The following C2orf72 variants were observed in gnomAD, a reference collection of about 807,000 sequenced individuals.
C2orf72 encodes chromosome 2 open reading frame 72, also known as uncharacterized protein C2orf72.
A neutral mutation model predicts 14.4 loss-of-function variants in C2orf72; 16 were observed. That is an observed-to-expected ratio of 1.11 (90% CI 0.75 to 1.69). The LOEUF is 1.69. C2orf72 is among the 40% of genes most tolerant of loss of function. The pLI is 0.00. For synonymous variants in C2orf72, 168 were observed against 176.8 expected, an observed-to-expected ratio of 0.95 and a Z score of 0.40; for missense variants, 371 against 358.3, an observed-to-expected ratio of 1.04 and a Z score of -0.29.
In C2orf72 at chr2:231,048,129, G is replaced by A. The variant is rs74840763; in HGVS notation, c.*1108G>A. On this transcript the variant is annotated 3_prime_UTR_variant, in exon 3 of 3. Transcript: ENST00000373640. ...CTGTGTCCGTGAGTCTGACAGAATC[G>A]ATGATGTTCCCTTAGAGCTGGGAAA... The A allele has an allele frequency of 0.038, 5,726 of 152,268 alleles. 139 individuals are homozygous for A. Among genetic ancestry groups the A allele is most frequent in the East Asian group, 0.14 (736 of 5,166 alleles). The allele number at this position is 152,268 out of a possible 1,614,324, so 9.4% of individuals were successfully genotyped here. A position where few individuals can be genotyped will look rare whatever the true frequency, so the allele number is the denominator to read the frequency against.
At position 231,037,665 on chromosome 2, in the gene C2orf72, C is replaced by G. The variant is rs2125134984; in HGVS notation, c.100C>G (p.Leu34Val). 1 of 1,112,728 alleles carries G rather than the reference C, an allele frequency of 9.0e-7. No homozygotes were observed. Among genetic ancestry groups the G allele is most frequent in the Non-Finnish European group, 1.1e-6 (1 of 908,670 alleles). 68.9% of individuals were successfully genotyped at this position (1,112,728 alleles called of 1,614,324 possible). A position where few individuals can be genotyped will look rare whatever the true frequency, so the allele number is the denominator to read the frequency against. ...AGCGGCGGGGGGCCGCGGGCAGGTGCTGCTGGTGGGCGAGCTGTGGGAGCG... is the reference window on the plus strand; with the variant it reads ...AGCGGCGGGGGGCCGCGGGCAGGTGGTGCTGGTGGGCGAGCTGTGGGAGCG... The part of the protein sequence containing the change: ...VEAAGGRGQV[L>V]LVGELWEREQ... Residue 34 changes from leucine (L) to valine (V), a missense_variant, in exon 1 of 3, where the codon CTG becomes GTG. Physicochemically the swap from Leu to Val is conservative, Grantham distance 32. Transcript: ENST00000373640.
At position 231,047,913 on chromosome 2, in the gene C2orf72, C is replaced by G. The variant is rs1213091764; in HGVS notation, c.*892C>G. 1 of 152,324 alleles carries G rather than the reference C, an allele frequency of 6.6e-6. No individual in the cohort carries two copies. The highest frequency in any genetic ancestry group is 2.4e-5 in the African/African-American group (1 of 41,458). 9.4% of individuals were successfully genotyped at this position (152,324 alleles called of 1,614,324 possible). A position where few individuals can be genotyped will look rare whatever the true frequency, so the allele number is the denominator to read the frequency against. On this transcript the variant is annotated 3_prime_UTR_variant, in exon 3 of 3. Transcript: ENST00000373640. ...GCCTCTTTCTTTCTCATGTTGACAT[C>G]GACTTTCTGTGCCAAGTCCTTTGGG... is the stretch of plus-strand genomic sequence containing the variant.
Position 231,047,248 on chromosome 2 carries a change from C to T in C2orf72, c.*227C>T. 1.5e-6 allele frequency: 1 copy of T among 649,740 alleles called. No individual in the cohort carries two copies. The highest frequency in any genetic ancestry group is 1.6e-5 in the South Asian group (1 of 64,402). 40.2% of individuals were successfully genotyped at this position (649,740 alleles called of 1,614,324 possible). On this transcript the variant is annotated 3_prime_UTR_variant, in exon 3 of 3. Transcript: ENST00000373640. ...ACCCAGCATTTGCTAAGTCTGATCA[C>T]AGGGAGGTTATTTTGTCTCTCTGTC...
At chr2:231,046,556 G>A (rs1693418247) in intron 2 of C2orf72, among the ~76,000 whole-genome samples, 1 of 152,090 alleles carries the variant, frequency 6.6e-6, no homozygotes, top group South Asian at 2.1e-4. Flanking sequence ...AGAGTTGGTT[G>A]ATTCAGGGGC....
chr2:231,046,291 A>AGTGT (rs34513584), intron 2 of C2orf72, among the ~76,000 whole-genome samples: 4,059 of 136,218 alleles, frequency 0.03, 59 homozygotes, highest in Non-Finnish European at 0.036. Context: ...ACTTCTATGC[A>AGTGT]GTGTGTGTGT....
rs1005277241 is a variant in C2orf72 at position 231,049,036 on chromosome 2, T to A, written c.*2015T>A. The A allele has an allele frequency of 6.6e-6, 1 of 152,158 alleles. No homozygotes were observed. The highest frequency in any genetic ancestry group is 1.5e-5 in the Non-Finnish European group (1 of 68,024). The allele number at this position is 152,158 out of a possible 1,614,324, so 9.4% of individuals were successfully genotyped here. A position where few individuals can be genotyped will look rare whatever the true frequency, so the allele number is the denominator to read the frequency against. ...TGCCAATATTTGAAACTTGGGAGATTACGTATAAAAAATACCTAGTTTTCT... is the reference window on the plus strand; with the variant it reads ...TGCCAATATTTGAAACTTGGGAGATAACGTATAAAAAATACCTAGTTTTCT... On this transcript the variant is annotated 3_prime_UTR_variant, in exon 3 of 3. Coordinates refer to ENST00000373640, the MANE Select transcript of C2orf72 (RefSeq NM_001144994.2).
intron 2 of C2orf72, among the ~76,000 whole-genome samples, chr2:231,042,419 A>G (rs1693356097): frequency 6.6e-6 from 1 of 152,234 alleles, no homozygotes; most frequent in Admixed American, 6.5e-5. Flanking sequence ...AAGACATTTA[A>G]CAATATATAA....
Position 231,037,988 on chromosome 2 carries a change from G to A in C2orf72, c.423G>A (p.Ala141=). Residue 141 remains alanine (A), a synonymous_variant, in exon 1 of 3, where the codon GCG becomes GCA. Transcript: ENST00000373640. ...DVRGRRRAGA[A]LVGVLVAEAG... ...GCGGCCGGCGGCGGGCCGGGGCGGC[G>A]CTGGTCGGGGTGCTGGTGGCCGAGG... 9.7e-7 allele frequency: 1 copy of A among 1,034,988 alleles called. No individual in the cohort carries two copies. Among genetic ancestry groups the A allele is most frequent in the Non-Finnish European group, 1.2e-6 (1 of 866,834 alleles). The allele number at this position is 1,034,988 out of a possible 1,614,324, so 64.1% of individuals were successfully genotyped here. A position where few individuals can be genotyped will look rare whatever the true frequency, so the allele number is the denominator to read the frequency against.
At chr2:231,044,115 A>G (rs1023510443) in intron 2 of C2orf72, among the ~76,000 whole-genome samples, 6 of 152,150 alleles carry the variant, frequency 3.9e-5, no homozygotes. Flanking sequence ...AGATCAAAAA[A>G]TGGTACATCT....
At chr2:231,042,897 G>C (rs1167139886) in intron 2 of C2orf72, among the ~76,000 whole-genome samples, 1 of 152,236 alleles carries the variant, frequency 6.6e-6, no homozygotes, top group Non-Finnish European at 1.5e-5. Context: ...CCAGCTACTT[G>C]GGAGGCTGAG....
At position 231,037,874 on chromosome 2, in the gene C2orf72, C is replaced by T. The variant is rs868085109; in HGVS notation, c.309C>T (p.Arg103=). The part of the protein sequence containing the change: ...GAAAAAARAI[R]SPLVFVLCRA... Reference sequence around the variant, plus strand: ...CGGCGGCGGCGGCGCGCGCCATCCGCTCGCCGCTGGTCTTCGTGCTGTGCC... The same window carrying T: ...CGGCGGCGGCGGCGCGCGCCATCCGTTCGCCGCTGGTCTTCGTGCTGTGCC... The change falls in exon 1 of 3, where the codon CGC becomes CGT. Residue 103 remains arginine, a synonymous_variant. Coordinates refer to ENST00000373640, the MANE Select transcript of C2orf72 (RefSeq NM_001144994.2). 6.8e-5 allele frequency: 67 copies of T among 980,656 alleles called. No individual in the cohort carries two copies. The African/African-American group carries it at 1.1e-3, about 16-fold the overall frequency. The allele number at this position is 980,656 out of a possible 1,614,324, so 60.7% of individuals were successfully genotyped here.
rs148654297 is a variant in C2orf72 at position 231,041,499 on chromosome 2, G to C, written c.748+90G>C. 8.6e-5 allele frequency: 82 copies of C among 949,618 alleles called. No individual in the cohort carries two copies. In the African/African-American group the frequency reaches 9.1e-4, roughly 11 times the overall value. 58.8% of individuals were successfully genotyped at this position (949,618 alleles called of 1,614,324 possible). On this transcript the variant is annotated intron_variant, in intron 2 of 2. Transcript: ENST00000373640. ...TGAACTTGGGGACCTTAGGGACAGA[G>C]TGGACCAACATCTATGGAGTGCTTG...
intron 1 of C2orf72, among the ~76,000 whole-genome samples, chr2:231,039,747 AT>A (rs5839388): frequency 0.011 from 1,576 of 140,694 alleles, 9 homozygotes; most frequent in African/African-American, 0.022. Flanking sequence ...GAGTGCATGC[AT>A]TTTTTTTTTT....
chr2:231,042,800 T>A (rs1006620302), intron 2 of C2orf72, among the ~76,000 whole-genome samples: 21 of 151,462 alleles, frequency 1.4e-4, no homozygotes, highest in African/African-American at 4.9e-4. Flanking sequence ...AGGTCAGGAG[T>A]TCAAGCCCAG....
chr2:231,039,518 T>A (rs1574688290), intron 1 of C2orf72, among the ~76,000 whole-genome samples: 1 of 151,544 alleles, frequency 6.6e-6, no homozygotes, highest in Admixed American at 6.6e-5. Flanking sequence ...GGGCGGAGGG[T>A]CCCAGCAAGG....
intron 2 of C2orf72, among the ~76,000 whole-genome samples, chr2:231,041,956 T>C (rs1472836793): frequency 6.6e-6 from 1 of 152,064 alleles, no homozygotes; most frequent in South Asian, 2.1e-4. Context: ...GTGTCCCAGA[T>C]GTGCAGCCTT....
At position 231,044,945 on chromosome 2, in the gene C2orf72, T is replaced by TTATATATATATA. The variant is rs58611878; in HGVS notation, c.749-1930_749-1919dup. 1.7e-3 allele frequency among the ~76,000 whole-genome samples: 247 copies of TTATATATATATA among 141,646 alleles called. 3 individuals carry two copies. Among genetic ancestry groups the TTATATATATATA allele is most frequent in the African/African-American group, 3.2e-3 (122 of 37,966 alleles). 92.9% of individuals were successfully genotyped at this position (141,646 alleles called of 152,430 possible). A position where few individuals can be genotyped will look rare whatever the true frequency, so the allele number is the denominator to read the frequency against. On this transcript the variant is annotated intron_variant, in intron 2 of 2. Coordinates refer to ENST00000373640, the MANE Select transcript of C2orf72 (RefSeq NM_001144994.2). Reference sequence around the variant, plus strand: ...TATACGTGTGTGTGTATATATATCTTTATATATATATATATATACACACAC... The same window carrying TTATATATATATA: ...TATACGTGTGTGTGTATATATATCTTTATATATATATATATATATATATATATATACACACAC...
At position 231,049,254 on chromosome 2, in the gene C2orf72, A is replaced by G. The variant is rs1253371174; in HGVS notation, c.*2233A>G. 3.3e-5 allele frequency: 5 copies of G among 152,102 alleles called. No individual in the cohort carries two copies. The highest frequency in any genetic ancestry group is 1.2e-4 in the African/African-American group (5 of 41,398). 9.4% of individuals were successfully genotyped at this position (152,102 alleles called of 1,614,324 possible). On this transcript the variant is annotated 3_prime_UTR_variant, in exon 3 of 3. Transcript: ENST00000373640. ...ATGGTTTACACATTATTTTTTCATT[A>G]CCTTCAGTATTCCTGTGAATGGTTC...
At chr2:231,040,541 A>G (rs979651969) in intron 1 of C2orf72, among the ~76,000 whole-genome samples, 2 of 152,256 alleles carry the variant, frequency 1.3e-5, no homozygotes, top group Admixed American at 1.3e-4. Flanking sequence ...ATTTCTTTGC[A>G]GCTTTTGCAG....
Sources: gnomAD v4.1 joint callset for allele counts (sites outside exome capture counted in the v4.1 genomes callset) on GRCh38, gnomAD v4.1.1 for gene constraint, MANE v1.5 for transcripts, NCBI Gene and HGNC (gene_info 2026-07-23, HGNC 2026-07-21) for gene names.